MKX: variants seen among roughly 807,000 people sequenced by gnomAD.
MKX encodes homeobox protein Mohawk.
In MKX, 13 loss-of-function variants were observed where a neutral mutation model predicts 36.0. The ratio of observed to expected loss-of-function variants is 0.36; its 90% CI spans 0.24 to 0.57. The LOEUF (loss-of-function observed/expected upper bound fraction) is 0.57, where lower values mean the gene tolerates loss of function less well. Among genes scored for constraint, MKX ranks in the 20% least tolerant of loss-of-function variants. The pLI is 0.79. For synonymous variants in MKX, 176 were observed against 178.3 expected, an observed-to-expected ratio of 0.99 and a Z score of 0.10; for missense variants, 458 against 456.4, an observed-to-expected ratio of 1.00 and a Z score of -0.03.
chr10:27,717,803 T>G (rs143861213), intron 5 of MKX, among the ~76,000 whole-genome samples: 4 of 152,306 alleles, frequency 2.6e-5, no homozygotes, highest in African/African-American at 7.2e-5. Context: ...TTTAGCACCT[T>G]AAAGGATGAA....
At chr10:27,690,111 G>T (rs987572749) in intron 5 of MKX, among the ~76,000 whole-genome samples, 1 of 152,152 alleles carries the variant, frequency 6.6e-6, no homozygotes, top group Non-Finnish European at 1.5e-5. Context: ...GGCGGCTCAC[G>T]CTTGTAATCC....
At chr10:27,678,485 C>T (rs899077974) in intron 5 of MKX, among the ~76,000 whole-genome samples, 1 of 152,330 alleles carries the variant, frequency 6.6e-6, no homozygotes, top group Non-Finnish European at 1.5e-5. Context: ...ATGTAACTGA[C>T]ACTCTGGCTC....
chr10:27,712,298 G>A (rs747254330), intron 5 of MKX, among the ~76,000 whole-genome samples: 1 of 152,228 alleles, frequency 6.6e-6, no homozygotes, highest in Non-Finnish European at 1.5e-5. Flanking sequence ...ATAAACAGGT[G>A]TGCATGAAGA....
intron 5 of MKX, among the ~76,000 whole-genome samples, chr10:27,709,524 T>C (rs1471409324): frequency 6.6e-6 from 1 of 152,190 alleles, no homozygotes; most frequent in Non-Finnish European, 1.5e-5. Context: ...CGCACTGATT[T>C]CTGGTAGGAC....
chr10:27,696,841 G>A (rs1836563373), intron 5 of MKX, among the ~76,000 whole-genome samples: 1 of 152,152 alleles, frequency 6.6e-6, no homozygotes, highest in South Asian at 2.1e-4. Context: ...TAAATGTAAA[G>A]GTTCTTACTC....
intron 5 of MKX, among the ~76,000 whole-genome samples, chr10:27,702,896 T>G (rs1836683376): frequency 6.6e-6 from 1 of 152,168 alleles, no homozygotes; most frequent in African/African-American, 2.4e-5. Flanking sequence ...AACATGCCAG[T>G]GCACTCACTT....
chr10:27,725,003 A>C (rs78190484), intron 5 of MKX, among the ~76,000 whole-genome samples: 2 of 152,202 alleles, frequency 1.3e-5, no homozygotes, highest in Non-Finnish European at 1.5e-5. Flanking sequence ...CAAGTTCTCA[A>C]AAGTTCAACA....
chr10:27,729,429 G>A (rs968086725), intron 5 of MKX, among the ~76,000 whole-genome samples: 5 of 150,510 alleles, frequency 3.3e-5, no homozygotes, highest in African/African-American at 4.9e-5. Context: ...CTCTCTCCCC[G>A]TAGTAGCTGG....
At chr10:27,736,149 G>T (rs1231562969) in intron 3 of MKX, among the ~76,000 whole-genome samples, 1 of 152,144 alleles carries the variant, frequency 6.6e-6, no homozygotes, top group Non-Finnish European at 1.5e-5. Flanking sequence ...TGCAAGAGTA[G>T]AGAGAGTGAA....
chr10:27,723,341 C>G (rs1377860111), intron 5 of MKX, among the ~76,000 whole-genome samples: 1 of 152,264 alleles, frequency 6.6e-6, no homozygotes, highest in South Asian at 2.1e-4. Flanking sequence ...ACCAGTTGCA[C>G]TAGTGACAAG....
chr10:27,675,447 C>A, intron 6 of MKX, 32 bp from the exon 7 acceptor site: 1 of 1,614,026 alleles, frequency 6.2e-7, no homozygotes, highest in Middle Eastern at 1.7e-4. Flanking sequence ...AGTAAACGAT[C>A]AAACTCACTG....
At position 27,675,562 on chromosome 10, in the gene MKX, GA is replaced by G. The variant is rs1311237988; in HGVS notation, c.839-9del. On this transcript the variant is annotated splice_polypyrimidine_tract_variant and intron_variant, in intron 5 of 6. Coordinates refer to ENST00000419761, the MANE Select transcript of MKX (RefSeq NM_173576.3). Reference sequence around the variant, plus strand: ...ATCCGTTTTCCAGAGTGTCTGTAAAGAAAAGCAAAAATTCAATTATTTTTAT... The same window carrying G: ...ATCCGTTTTCCAGAGTGTCTGTAAAGAAAGCAAAAATTCAATTATTTTTAT... 6.2e-7 allele frequency: 1 copy of G among 1,612,596 alleles called. No homozygotes were observed. Among genetic ancestry groups the G allele is most frequent in the African/African-American group, 1.3e-5 (1 of 74,990 alleles).
chr10:27,707,691 A>G (rs1836781959), intron 5 of MKX, among the ~76,000 whole-genome samples: 1 of 152,232 alleles, frequency 6.6e-6, no homozygotes, highest in Admixed American at 6.5e-5. Context: ...ATCTATTGGC[A>G]CTAAGTATGG....
chr10:27,686,780 T>C (rs1836363654), intron 5 of MKX, among the ~76,000 whole-genome samples: 1 of 152,010 alleles, frequency 6.6e-6, no homozygotes, highest in African/African-American at 2.4e-5. Flanking sequence ...CCCAGCCAAC[T>C]CTTTTCCAAA....
At chr10:27,719,496 G>C (rs951322819) in intron 5 of MKX, among the ~76,000 whole-genome samples, 1 of 152,096 alleles carries the variant, frequency 6.6e-6, no homozygotes, top group Non-Finnish European at 1.5e-5. Flanking sequence ...CTTTAAATAG[G>C]TTAGGGGACC....
Position 27,741,605 on chromosome 10 carries a change from A to G in MKX, c.189-101T>C, listed in dbSNP as rs769230568. On this transcript the variant is annotated intron_variant, in intron 2 of 6. Coordinates refer to ENST00000419761, the MANE Select transcript of MKX (RefSeq NM_173576.3). The surrounding 1 kb of genome is among the most constrained non-coding windows in gnomAD (Gnocchi z 5.1). The stretch of plus-strand genomic sequence containing the variant: ...CCCGGGCCCCGCATCCAAACTGCGC[A>G]TTCCTGCCTTGCGCCCCTGCTTTGC... 1.5e-6 allele frequency: 2 copies of G among 1,361,138 alleles called. No homozygotes were observed. The highest frequency in any genetic ancestry group is 1.9e-6 in the Non-Finnish European group (2 of 1,027,782). 84.3% of individuals were successfully genotyped at this position (1,361,138 alleles called of 1,614,324 possible).
intron 5 of MKX, among the ~76,000 whole-genome samples, chr10:27,704,472 A>G (rs1261084233): frequency 6.6e-6 from 1 of 152,122 alleles, no homozygotes. Flanking sequence ...TAGGACAGAA[A>G]CATGAGTAAA....
At chr10:27,684,853 T>C (rs947081643) in intron 5 of MKX, among the ~76,000 whole-genome samples, 8 of 152,116 alleles carry the variant, frequency 5.3e-5, no homozygotes, top group Admixed American at 4.6e-4. Flanking sequence ...TCATCAGACA[T>C]TAGTTAGATT....
chr10:27,693,841 C>T (rs1836497222), intron 5 of MKX, among the ~76,000 whole-genome samples: 1 of 151,974 alleles, frequency 6.6e-6, no homozygotes, highest in Admixed American at 6.6e-5. Flanking sequence ...GTGTCCCCAC[C>T]CAAATCTCAT....
Sources: allele counts gnomAD v4.1 joint callset (sites outside exome capture counted in the v4.1 genomes callset), GRCh38; gene constraint gnomAD v4.1.1; non-coding constraint Gnocchi (gnomAD v3.1); transcripts MANE v1.5; gene names NCBI Gene and HGNC (gene_info 2026-07-23, HGNC 2026-07-21).